The following ARB2A variants were observed in gnomAD, a reference collection of about 807,000 sequenced individuals.
ARB2A encodes cotranscriptional regulator ARB2A.
At chr5:93,742,268 C>G in the ARB2A span, among the ~76,000 whole-genome samples, 1 of 152,280 alleles carries the variant, frequency 6.6e-6, no homozygotes, top group Admixed American at 6.5e-5. Context: ...TCTAACCCAG[C>G]TTCTTGGTCC....
chr5:93,830,313 A>ATGTGTGTGTGTGTG, the ARB2A span, among the ~76,000 whole-genome samples: 1 of 51,352 alleles, frequency 1.9e-5, no homozygotes, highest in South Asian at 8.5e-4. Context: ...GTGTGTGTGT[A>ATGTGTGTGTGTGTG]TATATATATA....
the ARB2A span, among the ~76,000 whole-genome samples, chr5:93,716,989 T>C: frequency 6.6e-6 from 1 of 152,150 alleles, no homozygotes; most frequent in Non-Finnish European, 1.5e-5. Flanking sequence ...TTTTTTTTTC[T>C]TGATGAAGGA....
the ARB2A span, among the ~76,000 whole-genome samples, chr5:93,711,832 A>T: frequency 6.6e-6 from 1 of 152,236 alleles, no homozygotes; most frequent in Non-Finnish European, 1.5e-5. Flanking sequence ...ACCCATGCCC[A>T]ATCATGTTAT....
At chr5:93,718,513 GA>G in the ARB2A span, among the ~76,000 whole-genome samples, 1 of 151,992 alleles carries the variant, frequency 6.6e-6, no homozygotes, top group African/African-American at 2.4e-5. Context: ...AGAACGTGGA[GA>G]AAAAATATAT....
At chr5:93,693,974 C>A in the ARB2A span, among the ~76,000 whole-genome samples, 6 of 152,020 alleles carry the variant, frequency 3.9e-5, no homozygotes, top group Non-Finnish European at 2.9e-5. Flanking sequence ...CAGAAAAGGC[C>A]TTCGACAAAA....
At chr5:93,984,413 A>C in the ARB2A span, among the ~76,000 whole-genome samples, 3 of 152,236 alleles carry the variant, frequency 2.0e-5, 1 homozygote, top group South Asian at 6.2e-4. Context: ...TTTCATCAAA[A>C]GACTTTAATT....
the ARB2A span, among the ~76,000 whole-genome samples, chr5:94,074,286 T>C: frequency 2.6e-5 from 4 of 152,088 alleles, no homozygotes; most frequent in Non-Finnish European, 5.9e-5. Context: ...AAAGGCAGAA[T>C]ACAGAAACAG....
chr5:93,902,145 G>A, the ARB2A span, among the ~76,000 whole-genome samples: 1 of 151,904 alleles, frequency 6.6e-6, no homozygotes, highest in East Asian at 1.9e-4. Context: ...TCAATAAAAT[G>A]TTACTTTGTT....
chr5:93,963,565 C>T, the ARB2A span, among the ~76,000 whole-genome samples: 4 of 151,830 alleles, frequency 2.6e-5, no homozygotes, highest in Non-Finnish European at 4.4e-5. Context: ...GGAGAGGGGA[C>T]AATATTAAGA....
the ARB2A span, among the ~76,000 whole-genome samples, chr5:93,762,213 T>C: frequency 1.3e-5 from 2 of 152,140 alleles, no homozygotes; most frequent in Admixed American, 1.3e-4. Context: ...ATGACTTTGA[T>C]GAGTTGAGAG....
the ARB2A span, among the ~76,000 whole-genome samples, chr5:94,098,446 G>T: frequency 6.6e-6 from 1 of 152,130 alleles, no homozygotes; most frequent in Non-Finnish European, 1.5e-5. Context: ...TGAGAACAAA[G>T]ATAGAACATA....
the ARB2A span, chr5:93,865,945 A>G: frequency 1.0e-6 from 1 of 985,470 alleles, no homozygotes; most frequent in Non-Finnish European, 1.2e-6. Flanking sequence ...CAGTGTATAC[A>G]CAGCACAACT....
the ARB2A span, among the ~76,000 whole-genome samples, chr5:93,875,652 T>A: frequency 1.3e-5 from 2 of 152,224 alleles, no homozygotes; most frequent in East Asian, 1.9e-4. Flanking sequence ...CTTCAATGAC[T>A]ACAAGCTTTA....
chr5:93,989,240 AGTT>A, the ARB2A span, among the ~76,000 whole-genome samples: 3 of 152,182 alleles, frequency 2.0e-5, no homozygotes, highest in Admixed American at 2.0e-4. Context: ...ATTGGAATAA[AGTT>A]GTGCAAAATA....
At chr5:94,022,293 T>C in the ARB2A span, among the ~76,000 whole-genome samples, 1 of 152,190 alleles carries the variant, frequency 6.6e-6, no homozygotes, top group Non-Finnish European at 1.5e-5. Context: ...GCCACTTGGG[T>C]TCATAAAGTG....
At chr5:93,625,170 C>G in the ARB2A span, among the ~76,000 whole-genome samples, 1 of 152,082 alleles carries the variant, frequency 6.6e-6, no homozygotes, top group Non-Finnish European at 1.5e-5. Context: ...GTAGGTTTGC[C>G]TGAGCACTTT....
chr5:94,080,391 A>T, the ARB2A span, among the ~76,000 whole-genome samples: 3 of 152,188 alleles, frequency 2.0e-5, no homozygotes, highest in Non-Finnish European at 2.9e-5. Context: ...CATTTGCAAA[A>T]TCGGTATCAA....
At chr5:93,852,413 A>C in the ARB2A span, among the ~76,000 whole-genome samples, 1 of 151,796 alleles carries the variant, frequency 6.6e-6, no homozygotes, top group Admixed American at 6.6e-5. Context: ...TTGCCTGTTC[A>C]CTCTGATGGT....
the ARB2A span, among the ~76,000 whole-genome samples, chr5:93,821,189 AT>A: frequency 8.6e-5 from 13 of 151,396 alleles, no homozygotes; most frequent in Admixed American, 2.0e-4. Context: ...ATTTAAAACA[AT>A]TTTTTTTTGA....
Sources: gnomAD v4.1 joint callset for allele counts (sites outside exome capture counted in the v4.1 genomes callset) on GRCh38, gnomAD v4.1.1 for gene constraint, MANE v1.5 for transcripts, NCBI Gene and HGNC (gene_info 2026-07-23, HGNC 2026-07-21) for gene names.